GPR84: variants seen among roughly 807,000 people sequenced by gnomAD.
GPR84 encodes the protein G protein-coupled receptor 84, also known as G-protein coupled receptor 84.
GPR84 carries 8 observed loss-of-function variants against 14.9 expected under a neutral mutation model. The ratio of observed to expected loss-of-function variants is 0.54; its 90% CI spans 0.31 to 0.97. The LOEUF (loss-of-function observed/expected upper bound fraction) is 0.97, where lower values mean the gene tolerates loss of function less well. Ranked by LOEUF, GPR84 falls within the 50% of genes least tolerant of loss-of-function variation. The pLI, the probability that GPR84 is intolerant of heterozygous loss-of-function variation, is 0.04. For missense variants in GPR84, 424 were observed against 498.7 expected (o/e 0.85, Z 1.43); for synonymous variants, 164 against 198.1 (o/e 0.83, Z 1.45).
the GPR84 span, chr12:54,353,756 C>A: frequency 8.5e-5 from 13 of 152,296 alleles, no homozygotes; most frequent in African/African-American, 3.1e-4. Context: ...AGCAACAGGG[C>A]TGAGGACAGG....
chr12:54,363,905 C>CA, intron 1 of GPR84, 46 bp from the exon 2 acceptor site: 4 of 1,293,994 alleles, frequency 3.1e-6, no homozygotes, highest in Non-Finnish European at 4.3e-6. Flanking sequence ...CAGAACCTAG[C>CA]ATTCAACTTA....
the GPR84 span, among the ~76,000 whole-genome samples, chr12:54,356,287 C>T: frequency 2.0e-5 from 3 of 152,290 alleles, no homozygotes; most frequent in South Asian, 2.1e-4. Flanking sequence ...AATTCTAGCT[C>T]TAGCCCCTCT....
downstream of GPR84, among the ~76,000 whole-genome samples, chr12:54,362,040 G>A (rs1008326433): frequency 2.0e-5 from 3 of 152,264 alleles, no homozygotes; most frequent in Admixed American, 2.0e-4. This position sits in a 1 kb window ranked among gnomAD's most constrained non-coding sequence, Gnocchi z 4.0. Context: ...AGATATCAAA[G>A]CTGGATTATA....
At chr12:54,356,872 G>A in the GPR84 span, among the ~76,000 whole-genome samples, 1 of 152,198 alleles carries the variant, frequency 6.6e-6, no homozygotes, top group South Asian at 2.1e-4. Context: ...TAGTGGGAAG[G>A]GGTTGTGGAT....
At chr12:54,352,937 G>A in the GPR84 span, among the ~76,000 whole-genome samples, 19 of 152,318 alleles carry the variant, frequency 1.2e-4, no homozygotes, top group African/African-American at 4.3e-4. Flanking sequence ...GCAATACTCA[G>A]CCTTAACATC....
chr12:54,356,869 A>C, the GPR84 span, among the ~76,000 whole-genome samples: 4 of 152,170 alleles, frequency 2.6e-5, no homozygotes, highest in African/African-American at 9.7e-5. Flanking sequence ...TTTTAGTGGG[A>C]AGGGGTTGTG....
At chr12:54,361,396 G>T (rs1954267479), downstream of GPR84, among the ~76,000 whole-genome samples, 1 of 151,708 alleles carries the variant, frequency 6.6e-6, no homozygotes, top group African/African-American at 2.4e-5. This position sits in a 1 kb window ranked among gnomAD's most constrained non-coding sequence, Gnocchi z 4.3. Context: ...TTGAGACAGA[G>T]TTTCACTCTT....
Position 54,363,079 on chromosome 12 carries a change from G to A in GPR84, c.773C>T (p.Pro258Leu). The change falls in exon 2 of 2, where the codon CCA (proline) becomes CTA (leucine). Residue 258 changes from proline to leucine, a missense_variant. Coordinates refer to ENST00000267015, the MANE Select transcript of GPR84 (RefSeq NM_020370.3). ...GGTCTGGGTGGTGGCAGCACTGACT[G>A]GCTCAGATGAAATCCCCTCACTGGG... ...GGPSEGISSE[P>L]VSAATTQTLE... 1 of 1,614,150 alleles carries A rather than the reference G, an allele frequency of 6.2e-7. No individual in the cohort carries two copies. The highest frequency in any genetic ancestry group is 8.5e-7 in the Non-Finnish European group (1 of 1,180,020).
the GPR84 span, among the ~76,000 whole-genome samples, chr12:54,352,760 T>TCAA: frequency 6.6e-6 from 1 of 151,822 alleles, no homozygotes; most frequent in African/African-American, 2.4e-5. Flanking sequence ...ACAATTAAGC[T>TCAA]CAACAACTAT....
rs1954295232 is a variant in GPR84, at chr12:54,363,543, G to A, written c.309C>T (p.Ser103=). Residue 103 remains serine, a synonymous_variant, in exon 2 of 2, where the codon TCC becomes TCT. Transcript: ENST00000267015. ...CRVFGLLLFA[S]NSVSILTLCL... is the part of the protein sequence containing the mutation. ...AGAGGGTCAGGATGGAGACAGAATT[G>A]GAGGCAAAAAGGAGGAGCCCAAATA... is the stretch of plus-strand genomic sequence containing the variant. 1 of 1,613,996 alleles carries A rather than the reference G, an allele frequency of 6.2e-7. No individual in the cohort carries two copies. The highest frequency in any genetic ancestry group is 8.5e-7 in the Non-Finnish European group (1 of 1,179,990).
At chr12:54,355,672 C>T in the GPR84 span, among the ~76,000 whole-genome samples, 1 of 152,016 alleles carries the variant, frequency 6.6e-6, no homozygotes, top group Non-Finnish European at 1.5e-5. Context: ...ATCTCCCCTT[C>T]CTCCACACTG....
At chr12:54,353,942 C>T in the GPR84 span, 1 of 152,200 alleles carries the variant, frequency 6.6e-6, no homozygotes, top group Admixed American at 6.6e-5. Context: ...GTGGACATCA[C>T]ATCTTTCTGG....
In GPR84 at chr12:54,363,823, G is replaced by T; in HGVS notation, c.29C>A (p.Ser10Tyr). 6.2e-7 allele frequency: 1 copy of T among 1,602,578 alleles called. No homozygotes were observed. Among genetic ancestry groups the T allele is most frequent in the South Asian group, 1.1e-5 (1 of 90,130 alleles). The change falls in exon 2 of 2, where the codon TCC becomes TAC. Residue 10 changes from serine (S) to tyrosine (Y), a missense_variant. Transcript: ENST00000267015. ...GCCCAGCACAGACTCATGGTAGCAG[G>T]AGAAGTTGGCGTCAGAGCTGTTCCA... MWNSSDANF[S>Y]CYHESVLGYR...
chr12:54,356,032 T>C, the GPR84 span, among the ~76,000 whole-genome samples: 1 of 152,140 alleles, frequency 6.6e-6, no homozygotes, highest in Non-Finnish European at 1.5e-5. Context: ...TATTCTTTTA[T>C]GGATATGGAA....
chr12:54,363,529 AT>A lies in GPR84; in HGVS notation c.322del (p.Ile108SerfsTer2). 6.2e-7 allele frequency: 1 copy of A among 1,614,038 alleles called. No homozygotes were observed. The highest frequency in any genetic ancestry group is 8.5e-7 in the Non-Finnish European group (1 of 1,179,976). On this transcript the variant is annotated frameshift_variant, in exon 2 of 2. Coordinates refer to ENST00000267015, the MANE Select transcript of GPR84 (RefSeq NM_020370.3). LOFTEE classifies it high-confidence loss of function. ...CAGTGCGATGAGGCAGAGGGTCAGGATGGAGACAGAATTGGAGGCAAAAAGG... is the reference window on the plus strand; with the variant it reads ...CAGTGCGATGAGGCAGAGGGTCAGGAGGAGACAGAATTGGAGGCAAAAAGG... ...LLLFASNSVS[I>X]LTLCLIALGR...
rs778500663 is a variant in GPR84 at position 54,362,793 on chromosome 12, C to G, written c.1059G>C (p.Met353Ile). The G allele has an allele frequency of 1.9e-6, 3 of 1,614,194 alleles. No individual in the cohort carries two copies. The highest frequency in any genetic ancestry group is 2.5e-6 in the Non-Finnish European group (3 of 1,180,024). The change falls in exon 2 of 2, where the codon ATG (methionine) becomes ATC (isoleucine). Residue 353 changes from methionine to isoleucine, a missense_variant. Met to Ile is a conservative substitution (Grantham distance 10). Transcript: ENST00000267015. This position sits in a 1 kb window ranked among gnomAD's most constrained non-coding sequence, Gnocchi z 4.0. ...TGAGCCAGGTGAGGTTGGCAGCAAG[C>G]ATGTGGACCACCCGGGGAGCCTGGA... Reference protein sequence around the residue: ...ARVQAPRVVHMLAANLTWLNG... With the variant: ...ARVQAPRVVHILAANLTWLNG...
chr12:54,357,957 G>A (rs958802121), downstream of GPR84, among the ~76,000 whole-genome samples: 1 of 152,256 alleles, frequency 6.6e-6, no homozygotes, highest in East Asian at 1.9e-4. Context: ...GGGCTCTACA[G>A]GATAGTCAAC....
downstream of GPR84, among the ~76,000 whole-genome samples, chr12:54,359,388 C>G (rs926217701): frequency 6.0e-5 from 8 of 132,870 alleles, no homozygotes; most frequent in African/African-American, 2.3e-4. Context: ...AGCGTGCGAA[C>G]GAGCAAGAAC....
At chr12:54,360,883 T>C (rs1287037207), downstream of GPR84, among the ~76,000 whole-genome samples, 4 of 152,106 alleles carry the variant, frequency 2.6e-5, no homozygotes, top group Non-Finnish European at 5.9e-5. Flanking sequence ...AATAAATGTC[T>C]CATTCTTCAC....
Sources: allele counts gnomAD v4.1 joint callset (sites outside exome capture counted in the v4.1 genomes callset), GRCh38; gene constraint gnomAD v4.1.1; non-coding constraint Gnocchi (gnomAD v3.1); transcripts MANE v1.5; gene names NCBI Gene and HGNC (gene_info 2026-07-23, HGNC 2026-07-21).